LACC1: variants seen among roughly 807,000 people sequenced by gnomAD.
LACC1 encodes the protein purine nucleoside phosphorylase LACC1.
Under a neutral mutation model 34.8 loss-of-function variants are expected in LACC1, and 25 were observed. The observed-to-expected ratio is 0.72, with a 90% confidence interval of 0.52 to 1.00. LACC1 has a LOEUF of 1.00. LACC1 is among the 50% of genes least tolerant of loss of function. LACC1 has a pLI of 0.00. For missense variants in LACC1, 426 were observed against 511.2 expected (o/e 0.83, Z 1.61); for synonymous variants, 162 against 168.0 (o/e 0.96, Z 0.28).
intron 3 of LACC1, among the ~76,000 whole-genome samples, chr13:43,882,929 G>A (rs1333361834): frequency 1.3e-5 from 2 of 151,574 alleles, no homozygotes; most frequent in Admixed American, 6.6e-5. Context: ...ACCCACCCTC[G>A]ACAGGACACC....
chr13:43,890,043 C>CT, intron 5 of LACC1, 71 bp from the exon 6 acceptor site: 1 of 1,357,832 alleles, frequency 7.4e-7, no homozygotes, highest in Non-Finnish European at 1.0e-6. Flanking sequence ...AACATCCATA[C>CT]TTTTTTTCAT....
intron 4 of LACC1, among the ~76,000 whole-genome samples, chr13:43,886,180 T>C (rs567291014): frequency 3.3e-5 from 5 of 152,366 alleles, no homozygotes; most frequent in Admixed American, 2.0e-4. Context: ...GTTCAGCCAC[T>C]GTGGAAAGCA....
chr13:43,881,096 C>T lies in LACC1; in HGVS notation c.111C>T (p.Ala37=). ...ATGCTGTCCAATACCACCATGCTGC[C>T]AAGGCCAAGTTTCTCTGTATAATGT... The part of the protein sequence containing the change: ...TLNAVQYHHA[A]KAKFLCIMCC... The change falls in exon 2 of 7, where the codon GCC becomes GCT. Residue 37 remains alanine, a synonymous_variant. Coordinates refer to ENST00000325686, the MANE Select transcript of LACC1 (RefSeq NM_153218.4). 2.5e-6 allele frequency: 4 copies of T among 1,614,108 alleles called. No homozygotes were observed. The highest frequency in any genetic ancestry group is 3.4e-6 in the Non-Finnish European group (4 of 1,180,022).
At chr13:43,880,666 G>A (rs1186904899) in intron 1 of LACC1, among the ~76,000 whole-genome samples, 1 of 152,222 alleles carries the variant, frequency 6.6e-6, no homozygotes, top group Non-Finnish European at 1.5e-5. Flanking sequence ...AACTCCACAA[G>A]TAATTCCTTA....
chr13:43,889,007 A>G (rs1184487952), intron 5 of LACC1, 25 bp downstream of exon 5: 1 of 1,528,550 alleles, frequency 6.5e-7, no homozygotes, highest in South Asian at 1.1e-5. Flanking sequence ...ATTCAACTGC[A>G]AGTTTGATTA....
At position 43,893,495 on chromosome 13, in the gene LACC1, G is replaced by A. The variant is rs1349726571; in HGVS notation, c.*2048G>A. On this transcript the variant is annotated 3_prime_UTR_variant, in exon 7 of 7. Coordinates refer to ENST00000325686, the MANE Select transcript of LACC1 (RefSeq NM_153218.4). ...AGTGAAAATTTTGTTGAGGTACTGG[G>A]ACAGGTTAAAAAATACAGTTGTAGC... 6.6e-6 allele frequency: 1 copy of A among 151,812 alleles called. No individual in the cohort carries two copies. The highest frequency in any genetic ancestry group is 6.6e-5 in the Admixed American group (1 of 15,244). The allele number at this position is 151,812 out of a possible 1,614,324, so 9.4% of individuals were successfully genotyped here. A position where few individuals can be genotyped will look rare whatever the true frequency, so the allele number is the denominator to read the frequency against.
At chr13:43,887,299 G>C (rs1252274732) in intron 4 of LACC1, among the ~76,000 whole-genome samples, 2 of 152,112 alleles carry the variant, frequency 1.3e-5, no homozygotes, top group Non-Finnish European at 1.5e-5. Context: ...CCTTTTATCT[G>C]TAAAAATTGA....
intron 6 of LACC1, among the ~76,000 whole-genome samples, chr13:43,890,558 G>A (rs962735581): frequency 6.6e-6 from 1 of 152,110 alleles, no homozygotes; most frequent in Non-Finnish European, 1.5e-5. Flanking sequence ...GCAGGCTTAT[G>A]TTAAAAGTAT....
At position 43,893,365 on chromosome 13, in the gene LACC1, T is replaced by C. The variant is rs1187672263; in HGVS notation, c.*1918T>C. 1 of 152,030 alleles carries C rather than the reference T, an allele frequency of 6.6e-6. No homozygotes were observed. Among genetic ancestry groups the C allele is most frequent in the Non-Finnish European group, 1.5e-5 (1 of 67,890 alleles). The allele number at this position is 152,030 out of a possible 1,614,324, so 9.4% of individuals were successfully genotyped here. On this transcript the variant is annotated 3_prime_UTR_variant, in exon 7 of 7. Transcript: ENST00000325686. ...TGTGATGAATTAAGATTTGAACATATGTTTTGTGACTCCAGTTTTCCTTTC... is the reference window on the plus strand; with the variant it reads ...TGTGATGAATTAAGATTTGAACATACGTTTTGTGACTCCAGTTTTCCTTTC...
chr13:43,885,810 A>G (rs1955292320), intron 4 of LACC1, among the ~76,000 whole-genome samples: 1 of 152,242 alleles, frequency 6.6e-6, no homozygotes, highest in South Asian at 2.1e-4. Flanking sequence ...CTATCAACAG[A>G]GTAAACAGAA....
At chr13:43,889,081 G>T in intron 5 of LACC1, 99 bp downstream of exon 5, 1 of 942,332 alleles carries the variant, frequency 1.1e-6, no homozygotes, top group Admixed American at 1.9e-5. Context: ...GAAGAATTTA[G>T]GTGGTGGTTA....
In LACC1 at chr13:43,888,991, G is replaced by C. The variant is rs552562519; in HGVS notation, c.1133+9G>C. The C allele has an allele frequency of 2.0e-5, 32 of 1,588,966 alleles. No individual in the cohort carries two copies. The highest frequency in any genetic ancestry group is 1.7e-4 in the Middle Eastern group (1 of 6,028). On this transcript the variant is annotated intron_variant, in intron 5 of 6. Transcript: ENST00000325686. ...ATCCGTAAAGCCACAAGGTATGTCT[G>C]ATTTCATTCAACTGCAAGTTTGATT...
chr13:43,883,822 TATG>T lies in LACC1; in HGVS notation c.797_799del (p.Asp266del). 1 of 1,613,736 alleles carries T rather than the reference TATG, an allele frequency of 6.2e-7. No homozygotes were observed. Among genetic ancestry groups the T allele is most frequent in the Middle Eastern group, 1.6e-4 (1 of 6,062 alleles). On this transcript the variant is annotated inframe_deletion, in exon 4 of 7. Transcript: ENST00000325686. ...TATGGGAAGAAAGGAGCCTGACTCT[TATG>T]ATGGAATAACCACAAATCAGAGAGG... is the stretch of plus-strand genomic sequence containing the variant.
chr13:43,885,910 A>G (rs1955298857), intron 4 of LACC1, among the ~76,000 whole-genome samples: 1 of 152,180 alleles, frequency 6.6e-6, no homozygotes, highest in Non-Finnish European at 1.5e-5. Context: ...TCAACAAACA[A>G]ATAACAATCA....
chr13:43,882,972 C>T (rs567967899), intron 3 of LACC1, among the ~76,000 whole-genome samples: 2 of 152,256 alleles, frequency 1.3e-5, no homozygotes, highest in Non-Finnish European at 1.5e-5. Context: ...CACACACACA[C>T]ACGTACTCAT....
At chr13:43,879,780 A>AGGCGGGGCGT (rs1566960840), upstream of LACC1, 1 of 90,960 alleles carries the variant, frequency 1.1e-5, no homozygotes, top group African/African-American at 3.7e-5. Flanking sequence ...GGGCGAGGTG[A>AGGCGGGGCGT]GGCGGGGCGA....
In LACC1 at chr13:43,881,207, A is replaced by G; in HGVS notation, c.222A>G (p.Glu74=). The change falls in exon 2 of 7, where the codon GAA becomes GAG. Residue 74 remains glutamate (E), a synonymous_variant. Transcript: ENST00000325686. ...ETSNGLSALL[E]EFEIVSCPSM... The stretch of plus-strand genomic sequence containing the variant: ...GCAATGGATTATCAGCTCTCTTGGA[A>G]GAATTTGAGATTGTTAGCTGTCCCA... The G allele has an allele frequency of 6.2e-7, 1 of 1,614,224 alleles. No individual in the cohort carries two copies. The highest frequency in any genetic ancestry group is 2.2e-5 in the East Asian group (1 of 44,882).
At chr13:43,889,974 G>T in intron 5 of LACC1, 140 bp from the exon 6 acceptor site, 1 of 664,028 alleles carries the variant, frequency 1.5e-6, no homozygotes. Flanking sequence ...TCCATGTTCT[G>T]TAAGTGAATA....
At position 43,881,502 on chromosome 13, in the gene LACC1, G is replaced by A. The variant is rs774248495; in HGVS notation, c.517G>A (p.Ala173Thr). ...EIETFLRSLP[A>T]LRGKLTIITS... is the part of the protein sequence containing the mutation. ...AGAAACATTTTTGAGAAGTCTGCCA[G>A]CACTGAGAGGAAAATTAACTATTAT... Residue 173 changes from alanine (A) to threonine (T), a missense_variant, in exon 2 of 7, where the codon GCA becomes ACA. This residue lies in a region of LACC1 where 217 missense variants were observed against 210.9 expected (regional missense o/e 1.03). Transcript: ENST00000325686. The A allele has an allele frequency of 4.3e-6, 7 of 1,610,388 alleles. No homozygotes were observed. Among genetic ancestry groups the A allele is most frequent in the Middle Eastern group, 1.7e-4 (1 of 5,942 alleles).
Sources: allele counts gnomAD v4.1 joint callset (sites outside exome capture counted in the v4.1 genomes callset), GRCh38; gene constraint gnomAD v4.1.1; regional missense constraint gnomAD v4.1.1; transcripts MANE v1.5; gene names NCBI Gene and HGNC (gene_info 2026-07-23, HGNC 2026-07-21).